The following RAB3IL1 variants were observed in gnomAD, a reference collection of about 807,000 sequenced individuals.
RAB3IL1 encodes the protein guanine nucleotide exchange factor for Rab-3A.
RAB3IL1 carries 37 observed loss-of-function variants against 49.2 expected under a neutral mutation model. The ratio of observed to expected loss-of-function variants is 0.75; its 90% CI spans 0.58 to 0.99. The LOEUF is 0.99. RAB3IL1 is among the 50% of genes least tolerant of loss of function. The pLI is 0.00. For missense variants in RAB3IL1, 484 were observed against 513.0 expected (o/e 0.94, Z 0.55); for synonymous variants, 193 against 213.9 (o/e 0.90, Z 0.85).
chr11:61,917,904 C>G (rs930662954), upstream of RAB3IL1, among the ~76,000 whole-genome samples: 5 of 152,202 alleles, frequency 3.3e-5, no homozygotes, highest in Non-Finnish European at 7.3e-5. Context: ...CCCCTCCTCA[C>G]CCGGCCCTCC....
chr11:61,932,541 C>T, the RAB3IL1 span, among the ~76,000 whole-genome samples: 3 of 152,110 alleles, frequency 2.0e-5, no homozygotes, highest in Non-Finnish European at 4.4e-5. Context: ...GTCACTCTTC[C>T]AGGCACAGGG....
chr11:61,903,316 A>T (rs190371061), intron 7 of RAB3IL1, among the ~76,000 whole-genome samples: 6 of 152,102 alleles, frequency 3.9e-5, no homozygotes, highest in Admixed American at 3.9e-4. Context: ...TCTTCTCCAC[A>T]TCAGAGCCAG....
chr11:61,910,122 G>A (rs991481318), intron 1 of RAB3IL1, among the ~76,000 whole-genome samples: 11 of 152,162 alleles, frequency 7.2e-5, no homozygotes, highest in Non-Finnish European at 1.6e-4. Context: ...GACTTGTCAG[G>A]GGTCACGCAG....
intron 1 of RAB3IL1, among the ~76,000 whole-genome samples, chr11:61,911,523 G>A (rs562127619): frequency 1.2e-3 from 187 of 152,300 alleles, no homozygotes; most frequent in African/African-American, 4.5e-3. Context: ...ACCTGGCTGT[G>A]AACACCCAAG....
rs111902278 is a variant in RAB3IL1, at chr11:61,904,675, A to C, written c.787-17T>G. 0.062 allele frequency: 99,892 copies of C among 1,603,660 alleles called. 3,816 individuals carry two copies. The highest frequency in any genetic ancestry group is 0.12 in the African/African-American group (9,335 of 74,744). Reference sequence around the variant, plus strand: ...CACCGAGAGCTGTGGCAGACCAGGGAGGCAGGCAGGGTGGTAAGGGGCTGG... The same window carrying C: ...CACCGAGAGCTGTGGCAGACCAGGGCGGCAGGCAGGGTGGTAAGGGGCTGG... On this transcript the variant is annotated splice_polypyrimidine_tract_variant and intron_variant, in intron 6 of 9. Transcript: ENST00000394836.
At chr11:61,917,596 CG>C, upstream of RAB3IL1, 1 of 1,055,720 alleles carries the variant, frequency 9.5e-7, no homozygotes, top group East Asian at 7.5e-5. Flanking sequence ...CCCGAGGACA[CG>C]TGCCCGGCCC....
upstream of RAB3IL1, among the ~76,000 whole-genome samples, chr11:61,921,424 T>A (rs1939903842): frequency 6.6e-6 from 1 of 152,114 alleles, no homozygotes; most frequent in Non-Finnish European, 1.5e-5. Context: ...ATGTGCCCAT[T>A]CCTCTTCTTT....
At chr11:61,909,120 C>T (rs1255755835) in intron 1 of RAB3IL1, among the ~76,000 whole-genome samples, 1 of 152,202 alleles carries the variant, frequency 6.6e-6, no homozygotes, top group Non-Finnish European at 1.5e-5. Flanking sequence ...GACAGCACCT[C>T]TGGACTCGCT....
the RAB3IL1 span, among the ~76,000 whole-genome samples, chr11:61,944,604 G>A: frequency 3.9e-5 from 6 of 152,176 alleles, 1 homozygote; most frequent in African/African-American, 2.4e-5. Context: ...CCCCTCCCCC[G>A]GGACATATTT....
rs935271026 is a variant in RAB3IL1 at position 61,906,078 on chromosome 11, C to T, written c.657+388G>A. ...CCTGGGGCTCGAGGCTGTGGCCACACGGGGTCCAGGCAGCCTCTCCCCTGA... is the reference window on the plus strand; with the variant it reads ...CCTGGGGCTCGAGGCTGTGGCCACATGGGGTCCAGGCAGCCTCTCCCCTGA... On this transcript the variant is annotated intron_variant, in intron 5 of 9. Transcript: ENST00000394836. The surrounding 1 kb of genome is among the most constrained non-coding windows in gnomAD (Gnocchi z 4.6). 6.6e-6 allele frequency among the ~76,000 whole-genome samples: 1 copy of T among 152,078 alleles called. No homozygotes were observed. Among genetic ancestry groups the T allele is most frequent in the Non-Finnish European group, 1.5e-5 (1 of 68,008 alleles).
intron 1 of RAB3IL1, among the ~76,000 whole-genome samples, chr11:61,912,879 GA>G (rs553019569): frequency 7.2e-4 from 109 of 152,190 alleles, no homozygotes; most frequent in African/African-American, 2.6e-3. Context: ...ACAAAGATGG[GA>G]AGGGGGAATT....
chr11:61,900,435 G>C (rs546963513), intron 8 of RAB3IL1, among the ~76,000 whole-genome samples: 3 of 152,242 alleles, frequency 2.0e-5, no homozygotes, highest in Non-Finnish European at 4.4e-5. Flanking sequence ...GAAGCTTCGG[G>C]GAGGGGCGGG....
chr11:61,930,340 TG>T, the RAB3IL1 span, among the ~76,000 whole-genome samples: 1 of 152,194 alleles, frequency 6.6e-6, no homozygotes, highest in African/African-American at 2.4e-5. Context: ...ACAATGGGAA[TG>T]TAATTAATGT....
chr11:61,907,911 G>A (rs1939279869), intron 2 of RAB3IL1, 143 bp downstream of exon 2: 3 of 1,327,358 alleles, frequency 2.3e-6, no homozygotes, highest in Non-Finnish European at 3.1e-6. Flanking sequence ...GGTGCGCCCA[G>A]TACAGGCCTG....
chr11:61,938,984 G>A, the RAB3IL1 span, among the ~76,000 whole-genome samples: 103 of 151,388 alleles, frequency 6.8e-4, no homozygotes, highest in African/African-American at 2.2e-3. Flanking sequence ...AGTTGGAAAC[G>A]TCAATACTTC....
At position 61,913,765 on chromosome 11, in the gene RAB3IL1, T is replaced by A. The variant is rs577646919; in HGVS notation, c.11+3592A>T. ...GTGCCAGGCACCCCACCAGCCATGA[T>A]CCATCCAATCTGCACGACCAGGCAG... is the stretch of plus-strand genomic sequence containing the variant. On this transcript the variant is annotated intron_variant, in intron 1 of 9. Transcript: ENST00000394836. 1.7e-3 allele frequency among the ~76,000 whole-genome samples: 254 copies of A among 152,296 alleles called. 3 individuals are homozygous for A. The highest frequency in any genetic ancestry group is 5.9e-3 in the African/African-American group (244 of 41,560).
intron 1 of RAB3IL1, among the ~76,000 whole-genome samples, chr11:61,916,345 C>CA (rs1209270016): frequency 0.012 from 1,629 of 137,024 alleles, 26 homozygotes; most frequent in African/African-American, 0.038. Context: ...GACTCCGTCT[C>CA]AAAAAAAAAA....
At chr11:61,924,623 G>T (rs1939966404), upstream of RAB3IL1, among the ~76,000 whole-genome samples, 1 of 152,160 alleles carries the variant, frequency 6.6e-6, no homozygotes, top group Non-Finnish European at 1.5e-5. Flanking sequence ...TTGAGCCTCA[G>T]TTTACCCACC....
the RAB3IL1 span, among the ~76,000 whole-genome samples, chr11:61,925,308 A>C: frequency 6.6e-6 from 1 of 152,134 alleles, no homozygotes; most frequent in Non-Finnish European, 1.5e-5. Context: ...TTTTTAAACA[A>C]AGTAGGGATT....
Sources: allele counts gnomAD v4.1 joint callset (sites outside exome capture counted in the v4.1 genomes callset), GRCh38; gene constraint gnomAD v4.1.1; non-coding constraint Gnocchi (gnomAD v3.1); transcripts MANE v1.5; gene names NCBI Gene and HGNC (gene_info 2026-07-23, HGNC 2026-07-21).